The following DLG2 variants were observed in gnomAD, a reference collection of about 807,000 sequenced individuals.
The protein encoded by DLG2 is disks large homolog 2.
DLG2 carries 45 observed loss-of-function variants against 132.5 expected under a neutral mutation model. That is an observed-to-expected ratio of 0.34 (90% CI 0.27 to 0.44). The LOEUF (loss-of-function observed/expected upper bound fraction) is 0.44. Among genes scored for constraint, DLG2 ranks in the 20% least tolerant of loss-of-function variants. DLG2 has a pLI of 1.00. For synonymous variants in DLG2, 424 were observed against 419.6 expected (o/e 1.01, Z -0.13); for missense variants, 1,045 against 1,196.9 (o/e 0.87, Z 1.87).
intron 20 of DLG2, among the ~76,000 whole-genome samples, chr11:83,538,290 G>A (rs2095950673): frequency 1.3e-5 from 2 of 152,118 alleles, no homozygotes; most frequent in Admixed American, 1.3e-4. Flanking sequence ...TGCTAGGTGG[G>A]AGCAAGACAT....
chr11:85,488,565 G>GTC (rs2093484705), intron 3 of DLG2, among the ~76,000 whole-genome samples: 1 of 152,132 alleles, frequency 6.6e-6, no homozygotes, highest in Admixed American at 6.5e-5. Context: ...CCAATACACT[G>GTC]TCTAAATTCA....
chr11:85,344,505 T>C (rs913929862), intron 3 of DLG2, among the ~76,000 whole-genome samples: 1 of 152,226 alleles, frequency 6.6e-6, no homozygotes, highest in Admixed American at 6.5e-5. Flanking sequence ...GAATTTATGA[T>C]ATAAATTCTA....
intron 3 of DLG2, among the ~76,000 whole-genome samples, chr11:85,355,033 C>A (rs2083586431): frequency 6.6e-6 from 1 of 151,778 alleles, no homozygotes; most frequent in Non-Finnish European, 1.5e-5. Context: ...ACATTTTTGG[C>A]AAATTTTGAC....
At chr11:83,581,834 T>G (rs571531583) in intron 19 of DLG2, among the ~76,000 whole-genome samples, 1 of 151,950 alleles carries the variant, frequency 6.6e-6, no homozygotes, top group Non-Finnish European at 1.5e-5. Context: ...CACATAAAAA[T>G]CCTAAGAGAA....
intron 7 of DLG2, among the ~76,000 whole-genome samples, chr11:84,310,320 C>G (rs2098273716): frequency 6.6e-6 from 1 of 152,146 alleles, no homozygotes; most frequent in Admixed American, 6.5e-5. Flanking sequence ...ATAAGCATTA[C>G]TCTTAGGTTC....
chr11:85,346,202 C>A (rs1287548194), intron 3 of DLG2, among the ~76,000 whole-genome samples: 1 of 133,968 alleles, frequency 7.5e-6, no homozygotes, highest in Non-Finnish European at 1.6e-5. Flanking sequence ...TTTTTTTTTT[C>A]TTTGAGACAG....
At chr11:84,609,884 A>G (rs1300756089) in intron 6 of DLG2, among the ~76,000 whole-genome samples, 2 of 152,154 alleles carry the variant, frequency 1.3e-5, no homozygotes, top group African/African-American at 2.4e-5. Context: ...TATAATTTGG[A>G]AACAATCTAA....
intron 12 of DLG2, among the ~76,000 whole-genome samples, chr11:83,970,141 C>T (rs1411929272): frequency 6.6e-6 from 1 of 152,128 alleles, no homozygotes; most frequent in African/African-American, 2.4e-5. Flanking sequence ...CTGTTTCTGA[C>T]AAGGGCTCAT....
At chr11:83,574,355 C>T (rs1290168893) in intron 19 of DLG2, among the ~76,000 whole-genome samples, 1 of 152,144 alleles carries the variant, frequency 6.6e-6, no homozygotes. Context: ...TATGTAGGGA[C>T]TAAACTTATC....
intron 3 of DLG2, among the ~76,000 whole-genome samples, chr11:85,446,791 A>ATG (rs1156562036): frequency 6.9e-6 from 1 of 145,050 alleles, no homozygotes; most frequent in Non-Finnish European, 1.5e-5. Context: ...GGGATATAGT[A>ATG]TATGTGTGTG....
intron 3 of DLG2, among the ~76,000 whole-genome samples, chr11:85,421,088 T>C (rs2090268185): frequency 6.6e-6 from 1 of 152,222 alleles, no homozygotes; most frequent in African/African-American, 2.4e-5. Flanking sequence ...GCCAGGGCCC[T>C]GGTGGTGTAG....
intron 4 of DLG2, among the ~76,000 whole-genome samples, chr11:85,221,132 C>T (rs2074613393): frequency 6.6e-6 from 1 of 151,662 alleles, no homozygotes; most frequent in Admixed American, 6.6e-5. Flanking sequence ...AAGCTCTGCC[C>T]CCTGGGTTCA....
At chr11:83,794,526 C>G (rs2042335859) in intron 17 of DLG2, among the ~76,000 whole-genome samples, 1 of 148,820 alleles carries the variant, frequency 6.7e-6, no homozygotes, top group African/African-American at 2.5e-5. Context: ...AGAGTCCTCT[C>G]CTCTCCAAGA....
chr11:85,079,735 G>C (rs1291871615), intron 6 of DLG2, among the ~76,000 whole-genome samples: 2 of 152,038 alleles, frequency 1.3e-5, no homozygotes, highest in Non-Finnish European at 2.9e-5. Flanking sequence ...CAAACCTTAA[G>C]ATAGAAAAGC....
intron 7 of DLG2, among the ~76,000 whole-genome samples, chr11:84,270,121 A>G (rs1204025154): frequency 1.3e-5 from 2 of 152,236 alleles, no homozygotes; most frequent in Admixed American, 1.3e-4. Flanking sequence ...AAAATTGCAA[A>G]GCCTCTGATT....
At chr11:84,346,606 T>C (rs1339091309) in intron 7 of DLG2, among the ~76,000 whole-genome samples, 2 of 152,082 alleles carry the variant, frequency 1.3e-5, no homozygotes, top group African/African-American at 2.4e-5. Flanking sequence ...TGAAATGGAG[T>C]CTTGCTGTGT....
At chr11:84,253,467 G>A (rs2097419125) in intron 7 of DLG2, among the ~76,000 whole-genome samples, 1 of 152,136 alleles carries the variant, frequency 6.6e-6, no homozygotes, top group South Asian at 2.1e-4. Flanking sequence ...AATATTATTA[G>A]TAGTAAGTGT....
chr11:85,453,351 T>C (rs1229077048), intron 3 of DLG2: 2 of 231,048 alleles, frequency 8.7e-6, no homozygotes, highest in Non-Finnish European at 1.8e-5. Flanking sequence ...TTGAGTCTTT[T>C]GTGCTCACAA....
intron 11 of DLG2, among the ~76,000 whole-genome samples, chr11:84,002,020 G>A (rs1487892367): frequency 1.3e-5 from 2 of 151,866 alleles, no homozygotes; most frequent in Non-Finnish European, 2.9e-5. Context: ...AGAAAAGCAA[G>A]AACAAACCCA....
Sources: gnomAD v4.1 joint callset for allele counts (sites outside exome capture counted in the v4.1 genomes callset) on GRCh38, gnomAD v4.1.1 for gene constraint, MANE v1.5 for transcripts, NCBI Gene and HGNC (gene_info 2026-07-23, HGNC 2026-07-21) for gene names.